The following CHM variants were observed in gnomAD, a reference collection of about 807,000 sequenced individuals.
The protein encoded by CHM is rab proteins geranylgeranyltransferase component A 1.
A neutral mutation model predicts 49.0 loss-of-function variants in CHM; 10 were observed. The observed-to-expected ratio is 0.20, with a 90% confidence interval of 0.13 to 0.35. CHM has a LOEUF of 0.35. Among genes scored for constraint, CHM ranks in the 10% least tolerant of loss-of-function variants. The probability of loss-of-function intolerance (pLI) is 1.00; values close to 1 mark genes in which losing one functional copy is unlikely to be tolerated. For synonymous variants in CHM, 184 were observed against 167.5 expected (o/e 1.10, Z -0.76); for missense variants, 455 against 478.4 (o/e 0.95, Z 0.46).
chrX:86,044,188 C>T (rs761306141), intron 1 of CHM, among the ~76,000 whole-genome samples: 22 of 111,978 alleles, frequency 2.0e-4, no homozygotes, highest in African/African-American at 7.1e-4. Context: ...GGACTAGGTT[C>T]TCAGTAAATG....
intron 2 of CHM, among the ~76,000 whole-genome samples, chrX:86,002,821 A>C (rs1932770337): frequency 8.9e-6 from 1 of 112,398 alleles, no homozygotes; most frequent in African/African-American, 3.2e-5. Context: ...AGCTGAACAA[A>C]AGGCAGCAGA....
At chrX:86,013,729 G>A (rs374847170) in intron 2 of CHM, among the ~76,000 whole-genome samples, 56 of 42,917 alleles carry the variant, frequency 1.3e-3, no homozygotes, top group South Asian at 2.9e-3. Flanking sequence ...ACAAGACTTC[G>A]TCTCAAAAAA....
At position 86,042,888 on chromosome X, in the gene CHM, A is replaced by G. The variant is rs746929668; in HGVS notation, c.49+4596T>C. Among the ~76,000 whole-genome samples the G allele has an allele frequency of 3.6e-5, 4 of 111,144 alleles. No homozygotes were observed. In the East Asian group the frequency reaches 8.5e-4, roughly 24 times the overall value. On this transcript the variant is annotated intron_variant, in intron 1 of 14. Coordinates refer to ENST00000357749, the MANE Select transcript of CHM (RefSeq NM_000390.4). ...ACGAATTCACTATTACAAGAAGAGT[A>G]CCAAGCCATGAGGGATCCACTCCCA...
At chrX:85,906,454 T>G (rs761228818) in intron 9 of CHM, among the ~76,000 whole-genome samples, 1 of 112,091 alleles carries the variant, frequency 8.9e-6, no homozygotes, top group African/African-American at 3.2e-5. Context: ...TAGTTAATAC[T>G]TATAATAACC....
intron 9 of CHM, among the ~76,000 whole-genome samples, chrX:85,908,375 G>A (rs1309481765): frequency 8.9e-6 from 1 of 111,772 alleles, no homozygotes; most frequent in Non-Finnish European, 1.9e-5. Flanking sequence ...AAGATACGCT[G>A]ACCTGAGCCA....
At chrX:86,033,580 T>C (rs1464154013) in intron 1 of CHM, among the ~76,000 whole-genome samples, 1 of 112,173 alleles carries the variant, frequency 8.9e-6, no homozygotes, top group Non-Finnish European at 1.9e-5. Context: ...ACATACTTAA[T>C]TCATGCAGCC....
At chrX:85,895,440 G>A (rs978524936) in intron 11 of CHM, among the ~76,000 whole-genome samples, 1 of 110,973 alleles carries the variant, frequency 9.0e-6, no homozygotes, top group Non-Finnish European at 1.9e-5. Flanking sequence ...CACTGCGCCC[G>A]ACCCAGGTCA....
intron 2 of CHM, among the ~76,000 whole-genome samples, chrX:85,999,740 A>AG (rs1423181841): frequency 2.3e-4 from 26 of 112,212 alleles, no homozygotes; most frequent in African/African-American, 8.1e-4. Flanking sequence ...TCTGAAAAAA[A>AG]CTAGAGATTT....
intron 4 of CHM, among the ~76,000 whole-genome samples, chrX:85,968,264 G>T (rs1930683718): frequency 8.9e-6 from 1 of 112,028 alleles, no homozygotes; most frequent in African/African-American, 3.2e-5. Flanking sequence ...GCTGCAATAT[G>T]ATACATTGGT....
Position 85,957,918 on chromosome X carries a change from G to A in CHM, c.877C>T (p.Arg293Ter), listed in dbSNP as rs132630266. The A allele has an allele frequency of 8.3e-7, 1 of 1,209,778 alleles. No individual in the cohort carries two copies. Among genetic ancestry groups the A allele is most frequent in the Non-Finnish European group, 1.1e-6 (1 of 894,389 alleles). The change falls in exon 7 of 15, where the codon CGA (arginine) becomes TGA (stop). Residue 293 changes from arginine (R) to a stop codon, truncating the protein, a stop_gained. Coordinates refer to ENST00000357749, the MANE Select transcript of CHM (RefSeq NM_000390.4). LOFTEE classifies it high-confidence loss of function. ...AATGTAAGAAATTTCATTAGCATTC[G>A]CTTTTCTACCATAGTAAGTTGTTTG... ...NSKQLTMVEK[R>*]MLMKFLTFCM...
At chrX:85,908,649 A>T (rs977127066) in intron 9 of CHM, among the ~76,000 whole-genome samples, 2 of 111,450 alleles carry the variant, frequency 1.8e-5, no homozygotes, top group African/African-American at 6.5e-5. Flanking sequence ...ATAGCTTAGA[A>T]TAAATTTTCC....
intron 11 of CHM, among the ~76,000 whole-genome samples, chrX:85,897,286 A>G (rs1925942007): frequency 1.0e-5 from 1 of 100,276 alleles, no homozygotes; most frequent in African/African-American, 3.7e-5. Context: ...CATATATGAA[A>G]TAGAAAATGC....
intron 8 of CHM, among the ~76,000 whole-genome samples, chrX:85,913,332 A>AAAAAAAAAG (rs762266365): frequency 5.6e-4 from 13 of 23,410 alleles, no homozygotes; most frequent in African/African-American, 1.4e-3. Context: ...AAAAAAAAAA[A>AAAAAAAAAG]AAAGAAAGAA....
chrX:86,011,543 A>T (rs1013573766), intron 2 of CHM, among the ~76,000 whole-genome samples: 7 of 111,916 alleles, frequency 6.3e-5, no homozygotes, highest in African/African-American at 2.3e-4. Context: ...ACTCACATAC[A>T]ACAGGAACCC....
At chrX:85,948,229 T>G (rs945268868) in intron 8 of CHM, among the ~76,000 whole-genome samples, 2 of 112,265 alleles carry the variant, frequency 1.8e-5, no homozygotes, top group African/African-American at 6.5e-5. Flanking sequence ...AATAGGTCAG[T>G]TAAGGCTTAA....
At chrX:85,955,567 A>C (rs776936536) in intron 8 of CHM, among the ~76,000 whole-genome samples, 18 of 112,406 alleles carry the variant, frequency 1.6e-4, no homozygotes, top group Non-Finnish European at 3.2e-4. Flanking sequence ...GTTGACAAAA[A>C]AATTTTAAAT....
At chrX:85,923,475 C>G (rs994622829) in intron 8 of CHM, among the ~76,000 whole-genome samples, 7 of 112,088 alleles carry the variant, frequency 6.2e-5, no homozygotes, top group African/African-American at 2.3e-4. Flanking sequence ...ACTTGGGGAC[C>G]TGGTCAATTC....
chrX:85,912,902 A>C (rs773301302), intron 8 of CHM, among the ~76,000 whole-genome samples: 2 of 108,088 alleles, frequency 1.9e-5, no homozygotes, highest in East Asian at 5.9e-4. Flanking sequence ...CATCCCAGCT[A>C]CACGGGAGGC....
At chrX:85,953,538 T>A (rs1265213731) in intron 8 of CHM, among the ~76,000 whole-genome samples, 1 of 111,286 alleles carries the variant, frequency 9.0e-6, no homozygotes, top group African/African-American at 3.3e-5. Flanking sequence ...AGAACTATAG[T>A]CACCAAAACA....
Sources: gnomAD v4.1 joint callset for allele counts (sites outside exome capture counted in the v4.1 genomes callset) on GRCh38, gnomAD v4.1.1 for gene constraint, MANE v1.5 for transcripts, NCBI Gene and HGNC (gene_info 2026-07-23, HGNC 2026-07-21) for gene names.